The following ZNF721 variants were observed in gnomAD, a reference collection of about 807,000 sequenced individuals.
ZNF721 encodes the protein zinc finger protein 721.
Under a neutral mutation model 2.4 loss-of-function variants are expected in ZNF721, and 2 were observed. That is an observed-to-expected ratio of 0.82 (90% CI 0.34 to 2.58). The LOEUF (loss-of-function observed/expected upper bound fraction) is 2.58, where lower values mean the gene tolerates loss of function less well. ZNF721 is among the 30% of genes most tolerant of loss of function. The pLI is 0.11. For missense variants in ZNF721, 1,187 were observed against 1,085.5 expected (o/e 1.09, Z -1.31); for synonymous variants, 398 against 381.8 (o/e 1.04, Z -0.50).
chr4:451,854 T>C (rs1714676361), intron 2 of ZNF721, among the ~76,000 whole-genome samples: 2 of 152,206 alleles, frequency 1.3e-5, no homozygotes, highest in Admixed American at 1.3e-4. Context: ...GGAACTCCCC[T>C]AGTTCTCTCC....
chr4:495,424 C>A lies in ZNF721; in HGVS notation c.-94+3632G>T, dbSNP rs1350252621. Among the ~76,000 whole-genome samples the A allele has an allele frequency of 2.2e-4, 33 of 148,104 alleles. 1 individual carries two copies. Among genetic ancestry groups the A allele is most frequent in the Non-Finnish European group, 1.5e-5 (1 of 67,450 alleles). The stretch of plus-strand genomic sequence containing the variant: ...AATATAAACATGCACACATACACAC[C>A]CAATTCTTGGATGTTAGCCTTTAAA... On this transcript the variant is annotated intron_variant, in intron 1 of 2. Transcript: ENST00000511833.
intron 1 of ZNF721, among the ~76,000 whole-genome samples, chr4:495,427 A>G (rs1716126197): frequency 6.8e-6 from 1 of 147,828 alleles, no homozygotes; most frequent in African/African-American, 2.5e-5. Flanking sequence ...TACACACCCA[A>G]TTCTTGGATG....
chr4:466,458 G>T (rs1553866775), intron 2 of ZNF721, among the ~76,000 whole-genome samples: 1 of 152,166 alleles, frequency 6.6e-6, no homozygotes, highest in African/African-American at 2.4e-5. Flanking sequence ...AAATGTTGAA[G>T]AAATAATTCA....
intron 2 of ZNF721, among the ~76,000 whole-genome samples, chr4:455,197 G>A (rs1714808368): frequency 2.0e-5 from 3 of 152,120 alleles, no homozygotes; most frequent in Admixed American, 2.0e-4. Context: ...TGGGATAAAG[G>A]TTGTTTACCC....
At chr4:457,857 G>A (rs1323573860) in intron 2 of ZNF721, among the ~76,000 whole-genome samples, 12 of 152,172 alleles carry the variant, frequency 7.9e-5, no homozygotes, top group Non-Finnish European at 8.8e-5. Flanking sequence ...ACTGTGAATC[G>A]TGAAGCAGTC....
rs368508821 is a variant in ZNF721, at chr4:444,130, C to T, written c.337G>A (p.Glu113Lys). 18 of 1,614,018 alleles carry T rather than the reference C, an allele frequency of 1.1e-5. No homozygotes were observed. The highest frequency in any genetic ancestry group is 6.7e-5 in the East Asian group (3 of 44,886). ...AACTTCTGAAATGACTTGCCACATT[C>T]GTTACATTTAAAGTGTTTCTCTCCA... Reference protein sequence around the residue: ...HTGEKHFKCNECGKSFQKFSD... With the variant: ...HTGEKHFKCNKCGKSFQKFSD... Residue 113 changes from glutamate to lysine, a missense_variant, in exon 3 of 3, where the codon GAA (glutamate) becomes AAA (lysine). Coordinates refer to ENST00000511833, the MANE Select transcript of ZNF721 (RefSeq NM_133474.4).
intron 1 of ZNF721, among the ~76,000 whole-genome samples, chr4:485,408 T>G (rs569375954): frequency 6.6e-6 from 1 of 151,534 alleles, no homozygotes; most frequent in African/African-American, 2.4e-5. Context: ...GTGGGCTTAG[T>G]ATGTGTGGAA....
At position 492,384 on chromosome 4, in the gene ZNF721, A is replaced by G. The variant is rs1024290617; in HGVS notation, c.-94+6672T>C. Among the ~76,000 whole-genome samples the G allele has an allele frequency of 1.1e-3, 168 of 152,310 alleles. 2 individuals are homozygous for G. Among genetic ancestry groups the G allele is most frequent in the Non-Finnish European group, 2.1e-4 (14 of 68,030 alleles). ...GACCTCTAAGAAAATGTATCTTTTC[A>G]AAGGGTAGAGAAAGCCAAAAAATGG... On this transcript the variant is annotated intron_variant, in intron 1 of 2. Coordinates refer to ENST00000511833, the MANE Select transcript of ZNF721 (RefSeq NM_133474.4).
At chr4:482,399 A>T (rs1392377666) in intron 1 of ZNF721, among the ~76,000 whole-genome samples, 1 of 152,012 alleles carries the variant, frequency 6.6e-6, no homozygotes, top group African/African-American at 2.4e-5. Flanking sequence ...TCCTGACCTC[A>T]GGGGATCCGC....
intron 1 of ZNF721, among the ~76,000 whole-genome samples, chr4:477,189 T>C (rs1715645578): frequency 6.6e-6 from 1 of 151,874 alleles, no homozygotes; most frequent in East Asian, 1.9e-4. Flanking sequence ...AGTCAAACCT[T>C]CTGGGAAAAC....
Position 441,826 on chromosome 4 carries a change from A to G in ZNF721, c.2641T>C (p.Tyr881His), listed in dbSNP as rs554507054. 2.5e-6 allele frequency: 4 copies of G among 1,613,838 alleles called. No individual in the cohort carries two copies. Among genetic ancestry groups the G allele is most frequent in the Non-Finnish European group, 2.5e-6 (3 of 1,180,008 alleles). Reference sequence around the variant, plus strand: ...CCAGTATGAATTTTCTTATGCGCATAAAGATTTGCAGACTGTCTAAAGGTT... The same window carrying G: ...CCAGTATGAATTTTCTTATGCGCATGAAGATTTGCAGACTGTCTAAAGGTT... ...GKTFRQSANL[Y>H]AHKKIHTGEK... is the part of the protein sequence containing the mutation. The change falls in exon 3 of 3, where the codon TAT (tyrosine) becomes CAT (histidine). Residue 881 changes from tyrosine to histidine, a missense_variant. By Grantham distance (83) the Tyr-to-His change is moderately conservative. Coordinates refer to ENST00000511833, the MANE Select transcript of ZNF721 (RefSeq NM_133474.4).
intron 1 of ZNF721, among the ~76,000 whole-genome samples, chr4:490,671 G>T (rs556494243): frequency 6.6e-6 from 1 of 152,262 alleles, no homozygotes; most frequent in East Asian, 1.9e-4. Context: ...GTTATGAAAT[G>T]TAAAACATTA....
intron 1 of ZNF721, among the ~76,000 whole-genome samples, chr4:496,978 C>T (rs1716170683): frequency 1.3e-5 from 2 of 151,988 alleles, no homozygotes; most frequent in Admixed American, 1.3e-4. Context: ...TCCCAAAGTG[C>T]TGGGATTACA....
intron 1 of ZNF721, among the ~76,000 whole-genome samples, chr4:475,433 C>T (rs1395449235): frequency 1.3e-5 from 2 of 151,820 alleles, no homozygotes; most frequent in East Asian, 1.9e-4. Context: ...GTATTGATCT[C>T]TCTCTCTAAT....
intron 2 of ZNF721, among the ~76,000 whole-genome samples, chr4:465,004 G>A (rs1387652375): frequency 6.6e-6 from 1 of 151,328 alleles, no homozygotes; most frequent in African/African-American, 2.4e-5. Context: ...AGAATTGCTT[G>A]AACCCAGGAG....
chr4:474,704 G>A lies in ZNF721; in HGVS notation c.-93-2003C>T, dbSNP rs1361948292. On this transcript the variant is annotated intron_variant, in intron 1 of 2. Coordinates refer to ENST00000511833, the MANE Select transcript of ZNF721 (RefSeq NM_133474.4). ...AGCCTGGCCAAGATGGTGAAACCCCGTCTCTACTAAAAAATATAAAAATTA... is the reference window on the plus strand; with the variant it reads ...AGCCTGGCCAAGATGGTGAAACCCCATCTCTACTAAAAAATATAAAAATTA... Among the ~76,000 whole-genome samples, 6 of 151,892 alleles carry A rather than the reference G, an allele frequency of 4.0e-5. No individual in the cohort carries two copies. In the East Asian group the frequency reaches 1.2e-3, roughly 29 times the overall value.
At chr4:493,691 A>T (rs1258057005) in intron 1 of ZNF721, among the ~76,000 whole-genome samples, 1 of 151,996 alleles carries the variant, frequency 6.6e-6, no homozygotes, top group Non-Finnish European at 1.5e-5. Flanking sequence ...CCGCAAAAAA[A>T]AAAAAAAAAA....
At chr4:492,352 C>A (rs1300124586) in intron 1 of ZNF721, among the ~76,000 whole-genome samples, 2 of 152,046 alleles carry the variant, frequency 1.3e-5, no homozygotes, top group African/African-American at 2.4e-5. Context: ...AAAAAACATT[C>A]CCGTTAGACC....
At chr4:496,139 G>A (rs1369645329) in intron 1 of ZNF721, among the ~76,000 whole-genome samples, 2 of 136,812 alleles carry the variant, frequency 1.5e-5, no homozygotes, top group South Asian at 2.3e-4. Context: ...CAACCATACC[G>A]CCTTTTTTGT....
Sources: gnomAD v4.1 joint callset for allele counts (sites outside exome capture counted in the v4.1 genomes callset) on GRCh38, gnomAD v4.1.1 for gene constraint, MANE v1.5 for transcripts, NCBI Gene and HGNC (gene_info 2026-07-23, HGNC 2026-07-21) for gene names.